The following ABCC4 variants were observed in gnomAD, a reference collection of about 807,000 sequenced individuals.
ABCC4 encodes ATP binding cassette subfamily C member 4 (PEL blood group), also known as ATP-binding cassette sub-family C member 4.
In ABCC4, 102 loss-of-function variants were observed where a neutral mutation model predicts 168.5. The observed-to-expected ratio is 0.61, with a 90% CI of 0.52 to 0.71. ABCC4 has a LOEUF of 0.71. Ranked by LOEUF, ABCC4 falls within the 30% of genes least tolerant of loss-of-function variation. The probability of loss-of-function intolerance (pLI) is 0.00; values close to 1 mark genes in which losing one functional copy is unlikely to be tolerated. For missense variants in ABCC4, 1,402 were observed against 1,605.8 expected, an observed-to-expected ratio of 0.87 and a Z score of 2.17; for synonymous variants, 617 against 590.7, an observed-to-expected ratio of 1.04 and a Z score of -0.65.
intron 20 of ABCC4, among the ~76,000 whole-genome samples, chr13:95,087,296 C>A (rs1037347602): frequency 6.6e-6 from 1 of 152,146 alleles, no homozygotes; most frequent in Non-Finnish European, 1.5e-5. Flanking sequence ...GAGGTCAAGG[C>A]AGGCAGATTG....
intron 30 of ABCC4, among the ~76,000 whole-genome samples, chr13:95,029,841 T>C (rs2031780307): frequency 6.6e-6 from 1 of 152,222 alleles, no homozygotes. Context: ...GGAGCAGTAC[T>C]GCAATCCTGG....
chr13:95,131,751 T>C (rs1206901048), intron 19 of ABCC4, among the ~76,000 whole-genome samples: 2 of 152,156 alleles, frequency 1.3e-5, no homozygotes, highest in African/African-American at 4.8e-5. Flanking sequence ...AGGAAGTCAC[T>C]ACCTTACACC....
chr13:95,277,427 A>G (rs900872917), intron 1 of ABCC4, among the ~76,000 whole-genome samples: 1 of 152,020 alleles, frequency 6.6e-6, no homozygotes, highest in African/African-American at 2.4e-5. Flanking sequence ...CCAAAAATAC[A>G]AAAATTAGCC....
chr13:95,218,819 C>A (rs2039197284), intron 4 of ABCC4, among the ~76,000 whole-genome samples: 1 of 149,158 alleles, frequency 6.7e-6, no homozygotes, highest in African/African-American at 2.5e-5. Flanking sequence ...CCACTGGAAT[C>A]CAGTCTGGGC....
rs561684997 is a variant in ABCC4, at chr13:95,045,321, C to G, written c.3457-883G>C. ...TCCTCCAAAGATATCATCTTATAGGCACTTTACCATTTTGGAAGGTTTTTT... is the reference window on the plus strand; with the variant it reads ...TCCTCCAAAGATATCATCTTATAGGGACTTTACCATTTTGGAAGGTTTTTT... On this transcript the variant is annotated intron_variant, in intron 27 of 30. Transcript: ENST00000645237. 3.3e-5 allele frequency among the ~76,000 whole-genome samples: 5 copies of G among 152,242 alleles called. No individual in the cohort carries two copies. In the South Asian group the frequency reaches 1.0e-3, roughly 32 times the overall value.
rs147926143 is a variant in ABCC4 at position 95,021,589 on chromosome 13, C to T, written c.3964G>A (p.Glu1322Lys). 6.2e-6 allele frequency: 10 copies of T among 1,610,216 alleles called. No homozygotes were observed. Among genetic ancestry groups the T allele is most frequent in the Non-Finnish European group, 8.5e-6 (10 of 1,176,894 alleles). Residue 1322 changes from glutamate to lysine, a missense_variant, in exon 31 of 31, where the codon GAG (glutamate) becomes AAG (lysine). By Grantham distance (56) the Glu-to-Lys change is moderately conservative. Transcript: ENST00000645237. ...NGQPSTLTIFETAL is the reference protein window; with the variant it reads ...NGQPSTLTIFKTAL ...TTTGGTTGGATTCACAGTGCTGTCT[C>T]GAAAATAGTTAAGGTCGAGGGCTGT...
intron 5 of ABCC4, among the ~76,000 whole-genome samples, chr13:95,210,293 A>G (rs2038916022): frequency 6.6e-6 from 1 of 152,218 alleles, no homozygotes; most frequent in Non-Finnish European, 1.5e-5. Flanking sequence ...AGCCTGCGCA[A>G]CAAGGCGTGA....
chr13:95,083,304 A>G lies in ABCC4; in HGVS notation c.2536-14T>C. The G allele has an allele frequency of 6.2e-7, 1 of 1,611,662 alleles. No homozygotes were observed. The highest frequency in any genetic ancestry group is 1.7e-5 in the Admixed American group (1 of 59,284). On this transcript the variant is annotated splice_polypyrimidine_tract_variant and intron_variant, in intron 20 of 30. Transcript: ENST00000645237. Reference sequence around the variant, plus strand: ...TTGTAGCAATGTCTGAAATAGCAGAAGTAGATGCAGGTTTTCCTTATCAAG... The same window carrying G: ...TTGTAGCAATGTCTGAAATAGCAGAGGTAGATGCAGGTTTTCCTTATCAAG...
At chr13:95,188,859 C>A (rs1446705515) in intron 9 of ABCC4, among the ~76,000 whole-genome samples, 3 of 152,132 alleles carry the variant, frequency 2.0e-5, no homozygotes, top group African/African-American at 4.8e-5. Context: ...AATGAAAACT[C>A]ATGCTAACTT....
chr13:95,117,083 T>A (rs1029276424), intron 19 of ABCC4, among the ~76,000 whole-genome samples: 1 of 152,028 alleles, frequency 6.6e-6, no homozygotes, highest in Non-Finnish European at 1.5e-5. Context: ...AGAAGCACAG[T>A]GTGTACAAGT....
chr13:95,164,655 G>T, intron 15 of ABCC4, 137 bp from the exon 16 acceptor site: 1 of 803,124 alleles, frequency 1.2e-6, no homozygotes, highest in Non-Finnish European at 1.9e-6. Context: ...AGAAGGGTGT[G>T]GAAATAGCTA....
chr13:95,231,782 T>G (rs2039627852), intron 4 of ABCC4, among the ~76,000 whole-genome samples: 1 of 152,176 alleles, frequency 6.6e-6, no homozygotes, highest in South Asian at 2.1e-4. Context: ...TTGGGAGATG[T>G]TTACATGCAG....
intron 19 of ABCC4, among the ~76,000 whole-genome samples, chr13:95,148,637 C>CACACACACAA (rs1327044217): frequency 7.0e-6 from 1 of 142,984 alleles, no homozygotes; most frequent in Non-Finnish European, 1.5e-5. Context: ...CACACACACA[C>CACACACACAA]AATCAATGCT....
chr13:95,022,386 T>C (rs4148548), intron 30 of ABCC4, among the ~76,000 whole-genome samples: 2 of 152,210 alleles, frequency 1.3e-5, no homozygotes, highest in East Asian at 3.8e-4. Flanking sequence ...CTAGAAGAGA[T>C]ACAGGTTTTC....
chr13:95,254,056 G>C (rs1282984396), intron 1 of ABCC4, among the ~76,000 whole-genome samples: 9 of 151,966 alleles, frequency 5.9e-5, no homozygotes, highest in Admixed American at 5.2e-4. Context: ...ACCATGCCCG[G>C]CTATTTTTTT....
intron 4 of ABCC4, among the ~76,000 whole-genome samples, chr13:95,222,872 G>A (rs754112361): frequency 2.0e-5 from 3 of 152,116 alleles, no homozygotes; most frequent in Non-Finnish European, 2.9e-5. Context: ...GGACGCTTTC[G>A]GTATCTAGTG....
At chr13:95,214,006 T>C (rs1474255273) in intron 4 of ABCC4, among the ~76,000 whole-genome samples, 1 of 152,104 alleles carries the variant, frequency 6.6e-6, no homozygotes, top group African/African-American at 2.4e-5. Context: ...ACAACAACTA[T>C]GAAGCACCTA....
In ABCC4 at chr13:95,194,948, T is replaced by C. The variant is rs757476315; in HGVS notation, c.1162-11A>G. On this transcript the variant is annotated splice_polypyrimidine_tract_variant and intron_variant, in intron 8 of 30. Coordinates refer to ENST00000645237, the MANE Select transcript of ABCC4 (RefSeq NM_005845.5). ...AAGTAGCAAAAAGGTCTAAAGAAAA[T>C]GGGAAAAACACAGATTGTTTAAATT... is the stretch of plus-strand genomic sequence containing the variant. 1 of 1,607,298 alleles carries C rather than the reference T, an allele frequency of 6.2e-7. No individual in the cohort carries two copies. The highest frequency in any genetic ancestry group is 1.1e-5 in the South Asian group (1 of 89,740).
chr13:95,249,423 G>A (rs1383999609), intron 1 of ABCC4, among the ~76,000 whole-genome samples: 1 of 152,136 alleles, frequency 6.6e-6, no homozygotes, highest in Non-Finnish European at 1.5e-5. Context: ...CCACTGCCTG[G>A]TGGCTTCTGC....
Sources: allele counts gnomAD v4.1 joint callset (sites outside exome capture counted in the v4.1 genomes callset), GRCh38; gene constraint gnomAD v4.1.1; transcripts MANE v1.5; gene names NCBI Gene and HGNC (gene_info 2026-07-23, HGNC 2026-07-21).